Variants in ZNF280B observed in about 807,000 individuals in gnomAD.
ZNF280B encodes suppressor of hairy wing homolog 2.
Under a neutral mutation model 38.0 loss-of-function variants are expected in ZNF280B, and 16 were observed. That is an observed-to-expected ratio of 0.42 (90% CI 0.28 to 0.64). ZNF280B has a LOEUF of 0.64. Among genes scored for constraint, ZNF280B ranks in the 30% least tolerant of loss-of-function variants. The pLI is 0.21. For missense variants in ZNF280B, 581 were observed against 639.6 expected (o/e 0.91, Z 0.99); for synonymous variants, 253 against 230.6 (o/e 1.10, Z -0.88).
rs781716444 is a variant in ZNF280B at position 22,488,627 on chromosome 22, C to T, written c.772G>A (p.Glu258Lys). The T allele has an allele frequency of 6.2e-7, 1 of 1,613,782 alleles. No homozygotes were observed. The highest frequency in any genetic ancestry group is 1.1e-5 in the South Asian group (1 of 91,062). Residue 258 changes from glutamate to lysine, a missense_variant, in exon 4 of 4, where the codon GAA (glutamate) becomes AAA (lysine). By Grantham distance (56) the Glu-to-Lys change is moderately conservative (BLOSUM62 1). Coordinates refer to ENST00000626650, the MANE Select transcript of ZNF280B (RefSeq NM_080764.4). ...CTCAAAATGTCTGTTTTTGCCAATT[C>T]ATTTGCCCTATCAAGATTTGTATTT... ...PINTNLDRAN[E>K]LAKTDILSLT...
rs369585048 is a variant in ZNF280B at position 22,501,979 on chromosome 22, C to A, written c.-187+5831G>T. 7.3e-5 allele frequency among the ~76,000 whole-genome samples: 11 copies of A among 151,358 alleles called. No individual in the cohort carries two copies. The South Asian group carries it at 2.3e-3, about 32-fold the overall frequency. On this transcript the variant is annotated intron_variant, in intron 2 of 3. Coordinates refer to ENST00000626650, the MANE Select transcript of ZNF280B (RefSeq NM_080764.4). ...AAATTTAGCTGGGCATCATGGCACACGCCTGTAGTCCCAGCTACTCAGGGG... is the reference window on the plus strand; with the variant it reads ...AAATTTAGCTGGGCATCATGGCACAAGCCTGTAGTCCCAGCTACTCAGGGG...
chr22:22,491,746 T>C lies in ZNF280B; in HGVS notation c.-68-2280A>G, dbSNP rs138535777. The stretch of plus-strand genomic sequence containing the variant: ...GTGCTGGGATTACAAGCATGAGCCA[T>C]GGATTACAAGCCTGAGCTGTGCCCA... On this transcript the variant is annotated intron_variant, in intron 3 of 3. Coordinates refer to ENST00000626650, the MANE Select transcript of ZNF280B (RefSeq NM_080764.4). 8.6e-4 allele frequency among the ~76,000 whole-genome samples: 131 copies of C among 151,916 alleles called. 1 individual carries two copies. Among genetic ancestry groups the C allele is most frequent in the Admixed American group, 7.9e-3 (120 of 15,252 alleles).
rs1439916941 is a variant in ZNF280B at position 22,485,335 on chromosome 22, TAC to T, written c.*2430_*2431del. 1 of 151,946 alleles carries T rather than the reference TAC, an allele frequency of 6.6e-6. No individual in the cohort carries two copies. Among genetic ancestry groups the T allele is most frequent in the African/African-American group, 2.4e-5 (1 of 41,374 alleles). The allele number at this position is 151,946 out of a possible 1,614,324, so 9.4% of individuals were successfully genotyped here. On this transcript the variant is annotated 3_prime_UTR_variant, in exon 4 of 4. Transcript: ENST00000626650. ...TATGAAAAGTCTGTAGATCTATTTATACACAGTGGGAGTATCTACCTGAGACA... is the reference window on the plus strand; with the variant it reads ...TATGAAAAGTCTGTAGATCTATTTATACAGTGGGAGTATCTACCTGAGACA...
At chr22:22,489,901 G>C (rs1350440901) in intron 3 of ZNF280B, among the ~76,000 whole-genome samples, 1 of 151,794 alleles carries the variant, frequency 6.6e-6, no homozygotes, top group Non-Finnish European at 1.5e-5. Context: ...TTATTTCTTA[G>C]ACTTACAGTA....
At chr22:22,490,416 T>C (rs1225855210) in intron 3 of ZNF280B, among the ~76,000 whole-genome samples, 1 of 152,044 alleles carries the variant, frequency 6.6e-6, no homozygotes. Flanking sequence ...TATCTCATAC[T>C]ACTCTCCACT....
chr22:22,497,462 C>T (rs943943086), intron 2 of ZNF280B, among the ~76,000 whole-genome samples: 4 of 151,484 alleles, frequency 2.6e-5, no homozygotes, highest in African/African-American at 9.7e-5. Context: ...ACCCGGGAGG[C>T]GGAGGTTACA....
chr22:22,494,825 C>T (rs993385987), intron 2 of ZNF280B, among the ~76,000 whole-genome samples: 1 of 151,870 alleles, frequency 6.6e-6, no homozygotes, highest in African/African-American at 2.4e-5. Context: ...CAATCTCTGC[C>T]TCCCGGGTTC....
chr22:22,492,773 C>T (rs1015045139), intron 3 of ZNF280B, among the ~76,000 whole-genome samples: 2 of 151,232 alleles, frequency 1.3e-5, no homozygotes, highest in Non-Finnish European at 1.5e-5. Context: ...GTAATCCCAG[C>T]TACTTGGGAG....
rs1298161444 is a variant in ZNF280B, at chr22:22,484,855, A to C, written c.*2912T>G. 1 of 151,612 alleles carries C rather than the reference A, an allele frequency of 6.6e-6. No individual in the cohort carries two copies. The highest frequency in any genetic ancestry group is 2.4e-5 in the African/African-American group (1 of 41,190). 9.4% of individuals were successfully genotyped at this position (151,612 alleles called of 1,614,324 possible). ...AAGTGCCTTTAAGAGGAAAAGTAGA[A>C]GTTTTTTTTTTTTTTTAAAGGGAGA... On this transcript the variant is annotated 3_prime_UTR_variant, in exon 4 of 4. Transcript: ENST00000626650.
intron 2 of ZNF280B, among the ~76,000 whole-genome samples, chr22:22,496,606 AAGAT>A (rs1325443162): frequency 6.6e-6 from 1 of 151,792 alleles, no homozygotes; most frequent in East Asian, 2.0e-4. Context: ...ATTCAATTCT[AAGAT>A]AGCAAACGTG....
At chr22:22,489,527 CA>C (rs1403659284) in intron 3 of ZNF280B, 61 bp from the exon 4 acceptor site, 10 of 803,954 alleles carry the variant, frequency 1.2e-5, no homozygotes, top group African/African-American at 8.7e-5. Context: ...AATTTTCCTC[CA>C]AAACATTGTT....
intron 2 of ZNF280B, among the ~76,000 whole-genome samples, chr22:22,499,781 A>G (rs1379580724): frequency 6.6e-6 from 1 of 152,026 alleles, no homozygotes; most frequent in African/African-American, 2.4e-5. Context: ...GATCAGGAAC[A>G]AGACAGATAT....
chr22:22,496,878 C>T (rs1172825237), intron 2 of ZNF280B, among the ~76,000 whole-genome samples: 6 of 149,546 alleles, frequency 4.0e-5, no homozygotes, highest in Non-Finnish European at 7.4e-5. Context: ...AGTGCAGTGC[C>T]GTGATCTCGG....
chr22:22,508,085 C>A (rs1240107118), intron 1 of ZNF280B, among the ~76,000 whole-genome samples: 2 of 151,866 alleles, frequency 1.3e-5, no homozygotes, highest in African/African-American at 2.4e-5. Context: ...CAAAAGCCTG[C>A]AAATCACCCG....
chr22:22,488,442 A>C lies in ZNF280B; in HGVS notation c.957T>G (p.Val319=), dbSNP rs933845768. 2.5e-6 allele frequency: 4 copies of C among 1,613,716 alleles called. No homozygotes were observed. The African/African-American group carries it at 5.3e-5, about 22-fold the overall frequency. The change falls in exon 4 of 4, where the codon GTT becomes GTG. Residue 319 remains valine (V), a synonymous_variant. Coordinates refer to ENST00000626650, the MANE Select transcript of ZNF280B (RefSeq NM_080764.4). ...GATGCTTCACGTGATTCATAAACTT[A>C]ACATTTTTTAGAACTTTCACGCAGC... The part of the protein sequence containing the change: ...CLSCVKVLKN[V]KFMNHVKHHL...
At chr22:22,508,848 C>A (rs551522178), upstream of ZNF280B, 1 of 152,170 alleles carries the variant, frequency 6.6e-6, no homozygotes, top group South Asian at 2.1e-4. Flanking sequence ...CGGCGCGGCT[C>A]CGAGCTAGGA....
At chr22:22,495,439 G>T (rs764654179) in intron 2 of ZNF280B, among the ~76,000 whole-genome samples, 8 of 151,940 alleles carry the variant, frequency 5.3e-5, no homozygotes, top group Non-Finnish European at 1.2e-4. Flanking sequence ...CTAACAAACA[G>T]TCCAGTGGAG....
At chr22:22,502,583 A>G (rs2061847526) in intron 2 of ZNF280B, among the ~76,000 whole-genome samples, 2 of 152,010 alleles carry the variant, frequency 1.3e-5, no homozygotes, top group African/African-American at 4.8e-5. Context: ...ACAATGAAAT[A>G]CTATTCAGCC....
At chr22:22,497,561 G>A (rs1453480350) in intron 2 of ZNF280B, among the ~76,000 whole-genome samples, 1 of 151,688 alleles carries the variant, frequency 6.6e-6, no homozygotes, top group African/African-American at 2.4e-5. Flanking sequence ...TTTTTAAAGG[G>A]CTTGAAGAAT....
Sources: allele counts gnomAD v4.1 joint callset (sites outside exome capture counted in the v4.1 genomes callset), GRCh38; gene constraint gnomAD v4.1.1; transcripts MANE v1.5; gene names NCBI Gene and HGNC (gene_info 2026-07-23, HGNC 2026-07-21).